Variants in FER observed in about 807,000 individuals in gnomAD.
The protein encoded by FER is FER tyrosine kinase.
In FER, 63 loss-of-function variants were observed where a neutral mutation model predicts 111.0. The observed-to-expected ratio is 0.57, with a 90% confidence interval of 0.46 to 0.70. The LOEUF (loss-of-function observed/expected upper bound fraction) is 0.70, where lower values mean the gene tolerates loss of function less well. Ranked by LOEUF, FER falls within the 30% of genes least tolerant of loss-of-function variation. FER has a pLI of 0.00. For synonymous variants in FER, 327 were observed against 313.9 expected, an observed-to-expected ratio of 1.04 and a Z score of -0.44; for missense variants, 914 against 954.0, an observed-to-expected ratio of 0.96 and a Z score of 0.55.
intron 13 of FER, among the ~76,000 whole-genome samples, chr5:109,003,915 G>T (rs1765161940): frequency 6.6e-6 from 1 of 152,194 alleles, no homozygotes; most frequent in Non-Finnish European, 1.5e-5. Context: ...AGGGGGTTGA[G>T]GCTGTAGTGA....
At chr5:108,901,836 A>G (rs990434635) in intron 10 of FER, among the ~76,000 whole-genome samples, 4 of 152,176 alleles carry the variant, frequency 2.6e-5, no homozygotes, top group African/African-American at 9.7e-5. Context: ...CTGTAATGCT[A>G]ACCACTCAGG....
chr5:108,913,472 T>G (rs1316295403), intron 10 of FER, among the ~76,000 whole-genome samples: 1 of 152,222 alleles, frequency 6.6e-6, no homozygotes, highest in African/African-American at 2.4e-5. Context: ...TTGACTAACA[T>G]AGCTATCATT....
chr5:109,004,398 T>C (rs1765232525), intron 13 of FER, among the ~76,000 whole-genome samples: 1 of 152,162 alleles, frequency 6.6e-6, no homozygotes, highest in East Asian at 1.9e-4. Context: ...GAATGTATTA[T>C]AAATAAATAT....
At chr5:108,826,701 G>A (rs1323107236) in intron 3 of FER, among the ~76,000 whole-genome samples, 1 of 152,178 alleles carries the variant, frequency 6.6e-6, no homozygotes, top group Admixed American at 6.5e-5. Context: ...ATGTTTTGTA[G>A]AATTCACTAA....
chr5:108,794,038 T>C (rs1755703518), intron 2 of FER, among the ~76,000 whole-genome samples: 1 of 152,166 alleles, frequency 6.6e-6, no homozygotes, highest in African/African-American at 2.4e-5. Flanking sequence ...GTCTTTTTTC[T>C]GAAGACCAGA....
intron 13 of FER, among the ~76,000 whole-genome samples, chr5:108,968,308 A>G (rs1235920249): frequency 6.6e-6 from 1 of 152,104 alleles, no homozygotes; most frequent in Non-Finnish European, 1.5e-5. Context: ...AATTGCTTGA[A>G]CCTGGGAGGC....
chr5:109,054,696 A>G (rs1773400861), intron 16 of FER, among the ~76,000 whole-genome samples: 1 of 152,110 alleles, frequency 6.6e-6, no homozygotes, highest in Non-Finnish European at 1.5e-5. Context: ...TTGTTTCTTA[A>G]GTTTACTTTT....
intron 13 of FER, among the ~76,000 whole-genome samples, chr5:109,010,324 A>G (rs1342307266): frequency 6.6e-6 from 1 of 151,808 alleles, no homozygotes; most frequent in Non-Finnish European, 1.5e-5. Context: ...CGCCTGGCTA[A>G]TTTTTTGTAT....
At chr5:109,107,124 A>G (rs1372808386) in intron 17 of FER, among the ~76,000 whole-genome samples, 2 of 152,164 alleles carry the variant, frequency 1.3e-5, no homozygotes, top group Non-Finnish European at 2.9e-5. Flanking sequence ...TGTTACACAG[A>G]TAAGATAGAA....
At chr5:108,827,119 T>G (rs992804054) in intron 3 of FER, among the ~76,000 whole-genome samples, 3 of 152,218 alleles carry the variant, frequency 2.0e-5, no homozygotes, top group Admixed American at 6.5e-5. Context: ...TTGGTCTCTT[T>G]GAATTTCGTA....
intron 16 of FER, among the ~76,000 whole-genome samples, chr5:109,095,472 AATCTCCCTTTCTGTGCAGCCC>A (rs1216608052): frequency 6.6e-6 from 1 of 152,026 alleles, no homozygotes; most frequent in African/African-American, 2.4e-5. Flanking sequence ...TCTCCTGGCT[AATCTCCCTTTCTGTGCAGCCC>A]ATCTCTCATA....
intron 13 of FER, among the ~76,000 whole-genome samples, chr5:108,968,298 A>G (rs1454805587): frequency 6.6e-6 from 1 of 152,164 alleles, no homozygotes; most frequent in African/African-American, 2.4e-5. Context: ...GAGGCAGGAC[A>G]ATTGCTTGAA....
chr5:108,767,067 G>A (rs1258961902), intron 1 of FER, among the ~76,000 whole-genome samples: 2 of 152,160 alleles, frequency 1.3e-5, no homozygotes, highest in African/African-American at 4.8e-5. Context: ...TTGGGAGGCC[G>A]AGATGGGTGG....
chr5:109,065,353 T>A (rs528417893), intron 16 of FER, among the ~76,000 whole-genome samples: 1 of 152,328 alleles, frequency 6.6e-6, no homozygotes, highest in East Asian at 1.9e-4. Context: ...TGATGTACCA[T>A]ATATATTCAG....
intron 13 of FER, among the ~76,000 whole-genome samples, chr5:108,989,734 A>C (rs1762955638): frequency 1.3e-5 from 2 of 151,974 alleles, no homozygotes; most frequent in African/African-American, 4.8e-5. Flanking sequence ...AGCTTTGAAA[A>C]ATGCCCAAGA....
At chr5:108,963,155 A>G (rs965994446) in intron 13 of FER, among the ~76,000 whole-genome samples, 1 of 152,204 alleles carries the variant, frequency 6.6e-6, no homozygotes, top group Non-Finnish European at 1.5e-5. Flanking sequence ...TAACATTTAA[A>G]TGACACTTTT....
At chr5:109,057,846 A>G (rs1773843151) in intron 16 of FER, among the ~76,000 whole-genome samples, 1 of 152,216 alleles carries the variant, frequency 6.6e-6, no homozygotes, top group Non-Finnish European at 1.5e-5. Flanking sequence ...GAAAAAGTTG[A>G]AATTGAAGAA....
intron 16 of FER, among the ~76,000 whole-genome samples, chr5:109,096,328 T>C (rs1218931673): frequency 1.3e-5 from 2 of 152,050 alleles, no homozygotes; most frequent in Non-Finnish European, 2.9e-5. Context: ...GATACAGATA[T>C]TATCTTATCC....
chr5:108,864,733 C>T (rs1456665938), intron 5 of FER, among the ~76,000 whole-genome samples: 1 of 152,142 alleles, frequency 6.6e-6, no homozygotes, highest in Non-Finnish European at 1.5e-5. Flanking sequence ...GTTTTGGTAC[C>T]AGTACCATGC....
Sources: gnomAD v4.1 joint callset for allele counts (sites outside exome capture counted in the v4.1 genomes callset) on GRCh38, gnomAD v4.1.1 for gene constraint, MANE v1.5 for transcripts, NCBI Gene and HGNC (gene_info 2026-07-23, HGNC 2026-07-21) for gene names.